Variants in PRDM16 observed in about 807,000 individuals in gnomAD.
PRDM16 encodes histone-lysine N-methyltransferase PRDM16.
PRDM16 carries 23 observed loss-of-function variants against 110.6 expected under a neutral mutation model. The ratio of observed to expected loss-of-function variants is 0.21; its 90% CI spans 0.15 to 0.29. The LOEUF (loss-of-function observed/expected upper bound fraction) is 0.29. PRDM16 is among the 10% of genes least tolerant of loss of function. The pLI, the probability that PRDM16 is intolerant of heterozygous loss-of-function variation, is 1.00. For missense variants in PRDM16, 1,615 were observed against 1,794.3 expected (o/e 0.90, Z 1.81); for synonymous variants, 799 against 781.8 (o/e 1.02, Z -0.37).
intron 10 of PRDM16, among the ~76,000 whole-genome samples, chr1:3,416,201 A>G (rs1638253770): frequency 6.6e-6 from 1 of 152,164 alleles, no homozygotes; most frequent in Non-Finnish European, 1.5e-5. Context: ...AAACGTCCCC[A>G]CCACTGGCTC....
At chr1:3,288,480 C>T (rs899575397) in intron 3 of PRDM16, among the ~76,000 whole-genome samples, 2 of 152,210 alleles carry the variant, frequency 1.3e-5, no homozygotes, top group African/African-American at 4.8e-5. Flanking sequence ...TCCCAGGGTC[C>T]TGGCTGGGAA....
intron 2 of PRDM16, among the ~76,000 whole-genome samples, chr1:3,212,110 C>T (rs1343995850): frequency 2.0e-5 from 3 of 152,172 alleles, no homozygotes; most frequent in African/African-American, 7.2e-5. Context: ...TTCACCGGCT[C>T]GTGAAACCGT....
At chr1:3,409,447 G>A (rs1643631315) in intron 8 of PRDM16, among the ~76,000 whole-genome samples, 1 of 152,178 alleles carries the variant, frequency 6.6e-6, no homozygotes. Context: ...GGCTGGACGA[G>A]CAGGAAGGTA....
chr1:3,118,194 T>G (rs949254806), intron 1 of PRDM16, among the ~76,000 whole-genome samples: 1 of 151,504 alleles, frequency 6.6e-6, no homozygotes, highest in Non-Finnish European at 1.5e-5. Flanking sequence ...TGTGCATGCA[T>G]GTACACACGC....
intron 1 of PRDM16, among the ~76,000 whole-genome samples, chr1:3,126,005 C>A (rs528791116): frequency 3.3e-5 from 5 of 152,234 alleles, no homozygotes; most frequent in Admixed American, 6.5e-5. Context: ...TCCTGTGAAA[C>A]CTTGTAGAGA....
intron 2 of PRDM16, among the ~76,000 whole-genome samples, chr1:3,235,733 C>CG (rs1639524436): frequency 6.6e-6 from 1 of 152,168 alleles, no homozygotes; most frequent in South Asian, 2.1e-4. Flanking sequence ...TCCAGGACGG[C>CG]GGGGGCGGGG....
chr1:3,242,486 A>G (rs1190215148), intron 2 of PRDM16, among the ~76,000 whole-genome samples: 1 of 152,194 alleles, frequency 6.6e-6, no homozygotes, highest in Admixed American at 6.5e-5. Context: ...TCCAGCATCC[A>G]GAGTGAGGAG....
rs2483249 is a variant in PRDM16, at chr1:3,438,031, T to C, written c.*4220T>C. 0.92 allele frequency: 194,513 copies of C among 210,890 alleles called. 90,052 individuals carry two copies. Among genetic ancestry groups the C allele is most frequent in the Middle Eastern group, 0.99 (650 of 658 alleles). 13.1% of individuals were successfully genotyped at this position (210,890 alleles called of 1,614,324 possible). On this transcript the variant is annotated 3_prime_UTR_variant, in exon 17 of 17. Transcript: ENST00000270722. Reference sequence around the variant, plus strand: ...TTACATTACAGATTTGGTTTAGTTTTGTTTTGTTTTGTTTTTTCTTTTAGA... The same window carrying C: ...TTACATTACAGATTTGGTTTAGTTTCGTTTTGTTTTGTTTTTTCTTTTAGA...
intron 3 of PRDM16, among the ~76,000 whole-genome samples, chr1:3,378,255 C>A (rs1364026220): frequency 6.6e-6 from 1 of 152,198 alleles, no homozygotes; most frequent in East Asian, 1.9e-4. Context: ...CCAGGGAGGC[C>A]CTGGTCAGAT....
chr1:3,137,167 C>T (rs76880169), intron 1 of PRDM16, among the ~76,000 whole-genome samples: 7,261 of 152,304 alleles, frequency 0.048, 259 homozygotes, highest in African/African-American at 0.1. Context: ...CCCTGGCTGC[C>T]TCCGGCATCC....
At chr1:3,088,705 C>T (rs936647684) in intron 1 of PRDM16, among the ~76,000 whole-genome samples, 2 of 151,108 alleles carry the variant, frequency 1.3e-5, no homozygotes, top group African/African-American at 4.9e-5. Context: ...TGATCTCAGC[C>T]TCTCAGAGTG....
chr1:3,324,999 G>A (rs561794192), intron 3 of PRDM16, among the ~76,000 whole-genome samples: 1 of 152,250 alleles, frequency 6.6e-6, no homozygotes, highest in South Asian at 2.1e-4. Flanking sequence ...CTGGTCACCT[G>A]GTAGCGCACA....
intron 1 of PRDM16, among the ~76,000 whole-genome samples, chr1:3,115,004 C>T (rs1014467002): frequency 1.3e-5 from 2 of 152,278 alleles, no homozygotes; most frequent in African/African-American, 4.8e-5. Context: ...CTGGTGACAT[C>T]TGGGTGTAGC....
chr1:3,296,654 A>G (rs1199524527), intron 3 of PRDM16, among the ~76,000 whole-genome samples: 6 of 152,204 alleles, frequency 3.9e-5, no homozygotes, highest in African/African-American at 7.2e-5. Flanking sequence ...AGAGGTTGCC[A>G]TGGGGGTCGT....
intron 1 of PRDM16, among the ~76,000 whole-genome samples, chr1:3,169,017 C>A (rs965253596): frequency 6.6e-6 from 1 of 152,022 alleles, no homozygotes; most frequent in Non-Finnish European, 1.5e-5. Context: ...GCTGATGAGT[C>A]CAACAGAAGC....
At chr1:3,394,608 C>T (rs545448476) in intron 4 of PRDM16, 4 of 358,168 alleles carry the variant, frequency 1.1e-5, no homozygotes, top group East Asian at 9.2e-5. Flanking sequence ...GCTGACCCTC[C>T]TCTCTCCTGC....
At chr1:3,315,185 C>T (rs1641572671) in intron 3 of PRDM16, among the ~76,000 whole-genome samples, 1 of 122,168 alleles carries the variant, frequency 8.2e-6, no homozygotes, top group African/African-American at 5.1e-5. Flanking sequence ...CCCTCCCACC[C>T]TCCCTCTCCC....
rs573253046 is a variant in PRDM16 at position 3,411,822 on chromosome 1, C to T, written c.1625C>T (p.Thr542Ile). 8.7e-6 allele frequency: 14 copies of T among 1,611,212 alleles called. No homozygotes were observed. The highest frequency in any genetic ancestry group is 1.7e-5 in the Admixed American group (1 of 59,938). ...TSLLKSPLNH[T>I]QDAKLPSPLG... Reference sequence around the variant, plus strand: ...CTGCTCAAGAGCCCCCTGAACCACACCCAGGACGCCAAGCTCCCCAGTCCC... The same window carrying T: ...CTGCTCAAGAGCCCCCTGAACCACATCCAGGACGCCAAGCTCCCCAGTCCC... Residue 542 changes from threonine to isoleucine, a missense_variant, in exon 9 of 17, where the codon ACC becomes ATC. Thr to Ile is a moderately conservative substitution (Grantham distance 89). Coordinates refer to ENST00000270722, the MANE Select transcript of PRDM16 (RefSeq NM_022114.4).
At chr1:3,417,558 C>G (rs1001188907) in intron 10 of PRDM16, among the ~76,000 whole-genome samples, 2 of 152,186 alleles carry the variant, frequency 1.3e-5, no homozygotes, top group African/African-American at 4.8e-5. Context: ...GGCAGTGAGG[C>G]TGGTTGCTAA....
Sources: allele counts gnomAD v4.1 joint callset (sites outside exome capture counted in the v4.1 genomes callset), GRCh38; gene constraint gnomAD v4.1.1; transcripts MANE v1.5; gene names NCBI Gene and HGNC (gene_info 2026-07-23, HGNC 2026-07-21).